DNAH14: variants seen among roughly 807,000 people sequenced by gnomAD.
The protein encoded by DNAH14 is axonemal beta dynein heavy chain 14.
A neutral mutation model predicts 520.9 loss-of-function variants in DNAH14; 478 were observed. That is an observed-to-expected ratio of 0.92 (90% CI 0.85 to 0.99). DNAH14 has a LOEUF of 0.99. DNAH14 is among the 50% of genes least tolerant of loss of function. DNAH14 has a pLI of 0.00. For synonymous variants in DNAH14, 1,581 were observed against 1,757.2 expected (o/e 0.90, Z 2.51); for missense variants, 4,831 against 5,234.5 (o/e 0.92, Z 2.38).
Position 225,097,198 on chromosome 1 carries a change from G to T in DNAH14, c.3654G>T (p.Trp1218Cys). 6.4e-7 allele frequency: 1 copy of T among 1,550,538 alleles called. No individual in the cohort carries two copies. The highest frequency in any genetic ancestry group is 1.2e-5 in the South Asian group (1 of 83,970). ...AATGGATGAATTGTCAAAGAAATTG[G>T]CTTTATCTTGAACCAGTCTTTCATT... is the stretch of plus-strand genomic sequence containing the variant. ...LEEWMNCQRN[W>C]LYLEPVFHSS... Residue 1218 changes from tryptophan to cysteine, a missense_variant, in exon 22 of 86, where the codon TGG (tryptophan) becomes TGT (cysteine). Transcript: ENST00000682510.
At chr1:225,395,114 A>G (rs3949347) in intron 84 of DNAH14, among the ~76,000 whole-genome samples, 77,660 of 152,000 alleles carry the variant, frequency 0.51, 22,255 homozygotes, top group East Asian at 0.74. Context: ...TATGATTCCT[A>G]TATTAGGAAT....
intron 49 of DNAH14, 81 bp from the exon 50 acceptor site, chr1:225,270,654 C>T: frequency 8.3e-7 from 1 of 1,206,008 alleles, no homozygotes; most frequent in Non-Finnish European, 1.1e-6. Flanking sequence ...ATGTTTTGTC[C>T]AATTTGGGAC....
chr1:225,081,706 A>G (rs2073142783), intron 19 of DNAH14, among the ~76,000 whole-genome samples: 1 of 152,092 alleles, frequency 6.6e-6, no homozygotes, highest in Non-Finnish European at 1.5e-5. Flanking sequence ...TGTATGGGTG[A>G]AGTTTTCAGT....
At chr1:225,170,912 AAACT>A (rs1378341281) in intron 36 of DNAH14, among the ~76,000 whole-genome samples, 1 of 152,198 alleles carries the variant, frequency 6.6e-6, no homozygotes, top group Non-Finnish European at 1.5e-5. Flanking sequence ...AAATTATAAC[AAACT>A]GTCTCTCAGA....
At chr1:225,250,745 G>C in intron 43 of DNAH14, 1 of 496,578 alleles carries the variant, frequency 2.0e-6, no homozygotes, top group Non-Finnish European at 3.7e-6. Flanking sequence ...GGAAGGAATG[G>C]GCAAAGCAGT....
rs948199486 is a variant in DNAH14, at chr1:225,381,711, T to C, written c.13077+132T>C. On this transcript the variant is annotated intron_variant, in intron 81 of 85. Coordinates refer to ENST00000682510, the MANE Select transcript of DNAH14 (RefSeq NM_001367479.1). Reference sequence around the variant, plus strand: ...CTCTTAAAAGATGCTGACGTACTTTTTCATATTTTCACATCTCTGAAGTTG... The same window carrying C: ...CTCTTAAAAGATGCTGACGTACTTTCTCATATTTTCACATCTCTGAAGTTG... The C allele has an allele frequency of 1.0e-5, 8 of 768,994 alleles. No homozygotes were observed. In the African/African-American group the frequency reaches 1.4e-4, roughly 13 times the overall value. 47.6% of individuals were successfully genotyped at this position (768,994 alleles called of 1,614,324 possible). A position where few individuals can be genotyped will look rare whatever the true frequency, so the allele number is the denominator to read the frequency against.
At chr1:225,142,781 C>T (rs989405510) in intron 28 of DNAH14, among the ~76,000 whole-genome samples, 2 of 152,136 alleles carry the variant, frequency 1.3e-5, no homozygotes, top group Middle Eastern at 3.4e-3. Flanking sequence ...TAAAAATTAG[C>T]TGGCCGTGAT....
intron 32 of DNAH14, 73 bp from the exon 33 acceptor site, chr1:225,152,624 A>G: frequency 4.5e-6 from 6 of 1,333,090 alleles, no homozygotes; most frequent in East Asian, 2.5e-5. Context: ...TATTTTGGGG[A>G]AAAGTATGTG....
intron 36 of DNAH14, among the ~76,000 whole-genome samples, chr1:225,183,379 C>T (rs1302306248): frequency 6.6e-6 from 1 of 152,196 alleles, no homozygotes; most frequent in Non-Finnish European, 1.5e-5. Context: ...AGGCCATGGG[C>T]AGTGTGGTAC....
intron 55 of DNAH14, among the ~76,000 whole-genome samples, chr1:225,291,478 G>A (rs2093887919): frequency 6.6e-6 from 1 of 152,052 alleles, no homozygotes; most frequent in Admixed American, 6.6e-5. Context: ...GTGCAGTGGT[G>A]CAATCATGGC....
At chr1:224,976,842 G>A (rs1253235362) in intron 8 of DNAH14, among the ~76,000 whole-genome samples, 3 of 151,862 alleles carry the variant, frequency 2.0e-5, no homozygotes, top group Admixed American at 6.6e-5. Flanking sequence ...GAAACAACAG[G>A]TGCTAGAGAG....
chr1:225,342,726 T>G (rs6426063), intron 69 of DNAH14, among the ~76,000 whole-genome samples: 1 of 151,552 alleles, frequency 6.6e-6, no homozygotes, highest in South Asian at 2.1e-4. Flanking sequence ...ACACATTCTA[T>G]TTATCAATCT....
At chr1:225,252,532 G>A (rs2092594680) in intron 44 of DNAH14, 115 bp downstream of exon 44, 2 of 603,982 alleles carry the variant, frequency 3.3e-6, no homozygotes, top group South Asian at 2.4e-5. Context: ...CAACTTTGAG[G>A]ACTAATATGT....
rs1295873718 is a variant in DNAH14 at position 225,192,881 on chromosome 1, A to ACTAAAGTCAAGGATCTCAGG, written c.5867_5868insGATCTCAGGCTAAAGTCAAG (p.Asp1959GlyfsTer2). 6.5e-7 allele frequency: 1 copy of ACTAAAGTCAAGGATCTCAGG among 1,549,390 alleles called. No homozygotes were observed. The highest frequency in any genetic ancestry group is 8.7e-7 in the Non-Finnish European group (1 of 1,145,756). ...ACACAAAGAAAGACATTGATCTCAG[A>ACTAAAGTCAAGGATCTCAGG]CTAAAGTCAAGAATCTCAGATTTAT... On this transcript the variant is annotated frameshift_variant, in exon 38 of 86. Transcript: ENST00000682510. LOFTEE classifies it high-confidence loss of function.
At chr1:225,020,233 A>G (rs1184029235) in intron 10 of DNAH14, among the ~76,000 whole-genome samples, 1 of 152,106 alleles carries the variant, frequency 6.6e-6, no homozygotes, top group East Asian at 1.9e-4. Context: ...AAGGTGGCTC[A>G]TGCTTGTAAT....
At chr1:225,062,205 G>A (rs1405858538) in intron 17 of DNAH14, among the ~76,000 whole-genome samples, 1 of 152,180 alleles carries the variant, frequency 6.6e-6, no homozygotes, top group Non-Finnish European at 1.5e-5. Context: ...GGAGACTGAG[G>A]TGTGAGGATG....
Position 224,960,204 on chromosome 1 carries a change from C to T in DNAH14, c.269C>T (p.Ala90Val). ...IQQHMVSPEPASLKEKGKSRR... is the reference protein window; with the variant it reads ...IQQHMVSPEPVSLKEKGKSRR... Reference sequence around the variant, plus strand: ...CAACATATGGTTTCTCCAGAGCCAGCTTCCCTTAAGGAGAAAGGGAAGTCA... The same window carrying T: ...CAACATATGGTTTCTCCAGAGCCAGTTTCCCTTAAGGAGAAAGGGAAGTCA... The change falls in exon 4 of 86, where the codon GCT becomes GTT. Residue 90 changes from alanine (A) to valine (V), a missense_variant. Transcript: ENST00000682510. 1.2e-6 allele frequency: 2 copies of T among 1,608,628 alleles called. No individual in the cohort carries two copies. The highest frequency in any genetic ancestry group is 1.7e-6 in the Non-Finnish European group (2 of 1,178,088).
chr1:225,227,472 G>T (rs894850601), intron 41 of DNAH14, among the ~76,000 whole-genome samples: 6 of 152,198 alleles, frequency 3.9e-5, no homozygotes, highest in African/African-American at 1.4e-4. Flanking sequence ...TAGGTTTACA[G>T]ATTAACAGCA....
chr1:225,271,073 G>C lies in DNAH14; in HGVS notation c.7671+207G>C, dbSNP rs114107578. ...TGTAAAATAAACACTTGTGGTGCAT[G>C]TCCAATGCACGTTAAAATGTAGATT... On this transcript the variant is annotated intron_variant, in intron 50 of 85. Transcript: ENST00000682510. Among the ~76,000 whole-genome samples the C allele has an allele frequency of 4.5e-3, 683 of 152,292 alleles. 4 individuals carry two copies. Among genetic ancestry groups the C allele is most frequent in the African/African-American group, 0.016 (651 of 41,564 alleles).
Sources: gnomAD v4.1 joint callset for allele counts (sites outside exome capture counted in the v4.1 genomes callset) on GRCh38, gnomAD v4.1.1 for gene constraint, MANE v1.5 for transcripts, NCBI Gene and HGNC (gene_info 2026-07-23, HGNC 2026-07-21) for gene names.